Variants in FBL observed in about 807,000 individuals in gnomAD.
The protein encoded by FBL is rRNA 2'-O-methyltransferase fibrillarin.
In FBL, 10 loss-of-function variants were observed where a neutral mutation model predicts 42.2. That is an observed-to-expected ratio of 0.24 (90% CI 0.15 to 0.40). FBL has a LOEUF of 0.40. FBL is among the 10% of genes least tolerant of loss of function. The probability of loss-of-function intolerance (pLI) is 1.00; values close to 1 mark genes in which losing one functional copy is unlikely to be tolerated. For synonymous variants in FBL, 165 were observed against 165.4 expected (o/e 1.00, Z 0.02); for missense variants, 351 against 439.2 (o/e 0.80, Z 1.79).
At chr19:39,843,361 G>A (rs546933908) in intron 1 of FBL, among the ~76,000 whole-genome samples, 31 of 152,284 alleles carry the variant, frequency 2.0e-4, no homozygotes, top group Non-Finnish European at 3.4e-4. Context: ...GGGAAGTGCC[G>A]GTCACTCCCC....
At chr19:39,839,269 C>T (rs1204693128) in intron 4 of FBL, 64 bp from the exon 5 acceptor site, 4 of 1,380,718 alleles carry the variant, frequency 2.9e-6, no homozygotes, top group Middle Eastern at 2.1e-4. Context: ...CTGCCTTTAA[C>T]CCTAGGAGCC....
chr19:39,845,066 G>A (rs1969235107), intron 1 of FBL, among the ~76,000 whole-genome samples: 1 of 152,106 alleles, frequency 6.6e-6, no homozygotes, highest in African/African-American at 2.4e-5. Flanking sequence ...AAGAGAAAGG[G>A]AACTTGGGAG....
chr19:39,836,048 T>G (rs1218731496), intron 7 of FBL, among the ~76,000 whole-genome samples: 1 of 152,240 alleles, frequency 6.6e-6, no homozygotes, highest in African/African-American at 2.4e-5. Context: ...GGCTTATTTC[T>G]ACTTCCTCTT....
chr19:39,834,968 C>T (rs1969005240), intron 7 of FBL, among the ~76,000 whole-genome samples, 155 bp from the exon 8 acceptor site: 1 of 152,120 alleles, frequency 6.6e-6, no homozygotes, highest in Non-Finnish European at 1.5e-5. Flanking sequence ...GAAACGTAAC[C>T]CTTAAATGCA....
Position 39,840,351 on chromosome 19 carries a change from G to A in FBL, c.284-24C>T, listed in dbSNP as rs1969136310. The A allele has an allele frequency of 1.2e-6, 2 of 1,612,226 alleles. No individual in the cohort carries two copies. The highest frequency in any genetic ancestry group is 1.7e-6 in the Non-Finnish European group (2 of 1,178,298). ...ACCTGGGTGAGGGGATCAGAGCAGG[G>A]GTGAGGACCCCCAGCCTCTCCCTGC... On this transcript the variant is annotated intron_variant, in intron 3 of 8. Transcript: ENST00000221801. This position sits in a 1 kb window ranked among gnomAD's most constrained non-coding sequence, Gnocchi z 4.5.
intron 1 of FBL, among the ~76,000 whole-genome samples, chr19:39,844,473 G>C (rs565303293): frequency 1.3e-5 from 2 of 148,506 alleles, no homozygotes; most frequent in East Asian, 3.9e-4. Flanking sequence ...TCTTTTTTTG[G>C]GGGGAGGGGG....
At chr19:39,844,478 AG>A (rs71171534) in intron 1 of FBL, among the ~76,000 whole-genome samples, 2 of 151,258 alleles carry the variant, frequency 1.3e-5, no homozygotes, top group East Asian at 1.9e-4. Flanking sequence ...TTTTGGGGGG[AG>A]GGGGGTCCAT....
At chr19:39,845,545 G>A (rs960035715) in intron 1 of FBL, among the ~76,000 whole-genome samples, 7 of 152,118 alleles carry the variant, frequency 4.6e-5, no homozygotes, top group East Asian at 1.9e-4. Context: ...CCACCATGAA[G>A]GGAGTGGTTT....
At position 39,839,216 on chromosome 19, in the gene FBL, G is replaced by C. The variant is rs1969110017; in HGVS notation, c.379-11C>G. On this transcript the variant is annotated splice_polypyrimidine_tract_variant and intron_variant, in intron 4 of 8. Coordinates refer to ENST00000221801, the MANE Select transcript of FBL (RefSeq NM_001436.4). ...TTTGTCATCTCCTTCCTAGATGAGA[G>C]ATGGGGACAGAAGTCAGTGCTAGGC... 1 of 1,604,038 alleles carries C rather than the reference G, an allele frequency of 6.2e-7. No homozygotes were observed. Among genetic ancestry groups the C allele is most frequent in the Non-Finnish European group, 8.5e-7 (1 of 1,174,298 alleles).
chr19:39,837,637 G>A (rs1055008937), intron 6 of FBL, 74 bp downstream of exon 6: 4 of 1,353,616 alleles, frequency 3.0e-6, no homozygotes, highest in Non-Finnish European at 4.0e-6. Context: ...ATCCGAATCA[G>A]AGATCCACTG....
rs1253184550 is a variant in FBL, at chr19:39,834,760, C to A, written c.849G>T (p.Val283=). 6.2e-7 allele frequency: 1 copy of A among 1,614,218 alleles called. No individual in the cohort carries two copies. Among genetic ancestry groups the A allele is most frequent in the South Asian group, 1.1e-5 (1 of 91,086 alleles). The change falls in exon 8 of 9, where the codon GTG becomes GTT. Residue 283 remains valine (V), a synonymous_variant. Transcript: ENST00000221801. ...TCATGTTCTCCTGTTGCATCTTTTT[C>A]ACTTCGGAGGCAAACACGGCCTCGG... ...ASAEAVFASE[V]KKMQQENMKP...
intron 1 of FBL, among the ~76,000 whole-genome samples, chr19:39,845,458 A>T (rs1969245188): frequency 6.6e-6 from 1 of 152,230 alleles, no homozygotes; most frequent in African/African-American, 2.4e-5. Flanking sequence ...TTCACACAGC[A>T]GGCTAAGAAG....
At position 39,840,635 on chromosome 19, in the gene FBL, C is replaced by T. The variant is rs1414848625; in HGVS notation, c.163G>A (p.Gly55Arg). ...RGGGGGGGGG[G>R]GGGRGGGGFH... ...ATCTTACCACCTCTTCCTCCTCCTC[C>T]ACCGCCGCCGCCGCCTCCACCTCCT... The change falls in exon 2 of 9, where the codon GGA (glycine) becomes AGA (arginine). Residue 55 changes from glycine to arginine, a missense_variant. Transcript: ENST00000221801. The surrounding 1 kb of genome is among the most constrained non-coding windows in gnomAD (Gnocchi z 4.5). 3.7e-6 allele frequency: 6 copies of T among 1,612,904 alleles called. No individual in the cohort carries two copies. The highest frequency in any genetic ancestry group is 1.6e-4 in the Middle Eastern group (1 of 6,082).
intron 1 of FBL, 91 bp downstream of exon 1, chr19:39,846,200 A>G (rs1969258966): frequency 2.0e-6 from 3 of 1,478,380 alleles, no homozygotes; most frequent in Non-Finnish European, 2.8e-6. Flanking sequence ...CCCTGCCCCC[A>G]GGCCAAGGCC....
intron 1 of FBL, among the ~76,000 whole-genome samples, chr19:39,844,371 C>T (rs754370279): frequency 6.6e-6 from 1 of 152,008 alleles, no homozygotes; most frequent in Non-Finnish European, 1.5e-5. Context: ...CATCTCAATC[C>T]GTTTCAGGTC....
At chr19:39,837,953 C>A in intron 5 of FBL, 110 bp from the exon 6 acceptor site, 1 of 817,430 alleles carries the variant, frequency 1.2e-6, no homozygotes, top group South Asian at 1.8e-5. Flanking sequence ...CAAATCAAAA[C>A]CCTACCATCT....
intron 5 of FBL, chr19:39,838,092 C>T: frequency 2.3e-6 from 1 of 438,352 alleles, no homozygotes; most frequent in South Asian, 2.6e-5. Context: ...CCCAGGTTCC[C>T]AACAGAGGCT....
Position 39,840,843 on chromosome 19 carries a change from C to T in FBL, c.11-56G>A. On this transcript the variant is annotated intron_variant, in intron 1 of 8. Transcript: ENST00000221801. The surrounding 1 kb of genome is among the most constrained non-coding windows in gnomAD (Gnocchi z 4.5). ...AATGAAGCTTAAAAGGTTAAACCAC[C>T]TTGTACCCAGCAATACCTCTCAGGT... is the stretch of plus-strand genomic sequence containing the variant. 6.9e-7 allele frequency: 1 copy of T among 1,449,912 alleles called. No homozygotes were observed. The highest frequency in any genetic ancestry group is 9.2e-7 in the Non-Finnish European group (1 of 1,090,502). 89.8% of individuals were successfully genotyped at this position (1,449,912 alleles called of 1,614,324 possible). A position where few individuals can be genotyped will look rare whatever the true frequency, so the allele number is the denominator to read the frequency against.
intron 1 of FBL, among the ~76,000 whole-genome samples, chr19:39,844,127 C>T (rs946657842): frequency 6.6e-6 from 1 of 152,210 alleles, no homozygotes; most frequent in Admixed American, 6.5e-5. Context: ...ACTCCCCCTA[C>T]AGTCCACTTT....
Sources: allele counts gnomAD v4.1 joint callset (sites outside exome capture counted in the v4.1 genomes callset), GRCh38; gene constraint gnomAD v4.1.1; non-coding constraint Gnocchi (gnomAD v3.1); transcripts MANE v1.5; gene names NCBI Gene and HGNC (gene_info 2026-07-23, HGNC 2026-07-21).